Variants in RCSD1 observed in about 807,000 individuals in gnomAD.
RCSD1 encodes the protein RCSD domain containing 1, also known as capZ-interacting protein.
RCSD1 carries 26 observed loss-of-function variants against 42.5 expected under a neutral mutation model. That is an observed-to-expected ratio of 0.61 (90% CI 0.45 to 0.85). The LOEUF (loss-of-function observed/expected upper bound fraction) is 0.85. Ranked by LOEUF, RCSD1 falls within the 40% of genes least tolerant of loss-of-function variation. The pLI is 0.00. For missense variants in RCSD1, 571 were observed against 528.3 expected, an observed-to-expected ratio of 1.08 and a Z score of -0.79; for synonymous variants, 220 against 212.2, an observed-to-expected ratio of 1.04 and a Z score of -0.32.
chr1:167,679,156 A>G (rs74988376), intron 1 of RCSD1, among the ~76,000 whole-genome samples: 4,672 of 152,328 alleles, frequency 0.031, 243 homozygotes, highest in African/African-American at 0.11. Context: ...GAGTTAGTAC[A>G]GCATGTTGGT....
chr1:167,683,864 T>C (rs530323001), intron 1 of RCSD1, 36 bp from the exon 2 acceptor site: 1 of 1,593,560 alleles, frequency 6.3e-7, no homozygotes, highest in African/African-American at 1.3e-5. Context: ...TGGTACCCAT[T>C]TGCTGATTAA....
rs1356398618 is a variant in RCSD1, at chr1:167,705,115, A to G, written c.*419A>G. ...TTAGCTGATCAGATTTTGCTTGGGT[A>G]AAGTTCCTTTTTAATGTTCTAAAGT... On this transcript the variant is annotated 3_prime_UTR_variant, in exon 7 of 7. Coordinates refer to ENST00000367854, the MANE Select transcript of RCSD1 (RefSeq NM_052862.4). The G allele has an allele frequency of 6.2e-6, 1 of 161,164 alleles. No homozygotes were observed. Among genetic ancestry groups the G allele is most frequent in the African/African-American group, 2.4e-5 (1 of 41,654 alleles). The allele number at this position is 161,164 out of a possible 1,614,324, so 10.0% of individuals were successfully genotyped here.
At chr1:167,687,903 T>C (rs1659275008) in intron 3 of RCSD1, among the ~76,000 whole-genome samples, 2 of 152,268 alleles carry the variant, frequency 1.3e-5, no homozygotes, top group African/African-American at 4.8e-5. Flanking sequence ...CCACAGATCC[T>C]GCCTCCTATA....
chr1:167,685,530 C>T lies in RCSD1; in HGVS notation c.198+20C>T, dbSNP rs1558089423. The T allele has an allele frequency of 1.3e-6, 2 of 1,598,258 alleles. No individual in the cohort carries two copies. The highest frequency in any genetic ancestry group is 1.3e-5 in the African/African-American group (1 of 74,440). On this transcript the variant is annotated intron_variant, in intron 3 of 6. Transcript: ENST00000367854. The stretch of plus-strand genomic sequence containing the variant: ...GAGGAGGTAAGTGCTGCTGTTGGGG[C>T]TCAGAGGATGCTGTGATGGGTTTTC...
rs778863209 is a variant in RCSD1 at position 167,697,713 on chromosome 1, G to T, written c.1089G>T (p.Lys363Asn). 1.3e-6 allele frequency: 2 copies of T among 1,594,550 alleles called. No individual in the cohort carries two copies. The highest frequency in any genetic ancestry group is 1.7e-6 in the Non-Finnish European group (2 of 1,171,686). The stretch of plus-strand genomic sequence containing the variant: ...GAGTGAAGGGCGGAGATGTCCCCAA[G>T]CAGGAAAAAGGCAAGGAAAAACAAC... ...PGGVKGGDVP[K>N]QEKGKEKQQE... Residue 363 changes from lysine (K) to asparagine (N), a missense_variant, in exon 6 of 7, where the codon AAG (lysine) becomes AAT (asparagine). By Grantham distance (94) the Lys-to-Asn change is moderately conservative. Coordinates refer to ENST00000367854, the MANE Select transcript of RCSD1 (RefSeq NM_052862.4).
At chr1:167,662,723 AG>A (rs1658566870) in intron 1 of RCSD1, among the ~76,000 whole-genome samples, 1 of 152,216 alleles carries the variant, frequency 6.6e-6, no homozygotes, top group East Asian at 1.9e-4. Flanking sequence ...AAATCTTCTT[AG>A]GAAGGAAGAG....
At chr1:167,685,614 A>C in intron 3 of RCSD1, 104 bp downstream of exon 3, 10 of 858,602 alleles carry the variant, frequency 1.2e-5, no homozygotes, top group African/African-American at 1.7e-5. Flanking sequence ...TTTAAAGCTC[A>C]GACTCTGTGC....
chr1:167,677,872 G>A (rs1190991309), intron 1 of RCSD1, among the ~76,000 whole-genome samples: 4 of 152,126 alleles, frequency 2.6e-5, no homozygotes, highest in Non-Finnish European at 5.9e-5. Flanking sequence ...TTTTCTAGTG[G>A]GAAAAATTAT....
chr1:167,646,558 C>T (rs1376741337), intron 1 of RCSD1, among the ~76,000 whole-genome samples: 1 of 149,930 alleles, frequency 6.7e-6, no homozygotes, highest in Non-Finnish European at 1.5e-5. Context: ...TTCCGGGATA[C>T]ATGCGTGCAG....
Position 167,705,915 on chromosome 1 carries a change from G to A in RCSD1, c.*1219G>A, listed in dbSNP as rs536976529. 5.3e-5 allele frequency: 8 copies of A among 152,180 alleles called. No homozygotes were observed. In the East Asian group the frequency reaches 1.3e-3, roughly 26 times the overall value. 9.4% of individuals were successfully genotyped at this position (152,180 alleles called of 1,614,324 possible). On this transcript the variant is annotated 3_prime_UTR_variant, in exon 7 of 7. Transcript: ENST00000367854. The stretch of plus-strand genomic sequence containing the variant: ...CAAATACACATTTAAACTTAGGGTC[G>A]GTCCTTATTCTGATTTGAGTATTTT...
intron 5 of RCSD1, among the ~76,000 whole-genome samples, chr1:167,695,376 C>T (rs2101719523): frequency 6.6e-6 from 1 of 152,348 alleles, no homozygotes; most frequent in South Asian, 2.1e-4. Flanking sequence ...GGCCTTGATA[C>T]CTTCCAGAGC....
At chr1:167,659,950 G>A (rs368326044) in intron 1 of RCSD1, among the ~76,000 whole-genome samples, 2 of 152,152 alleles carry the variant, frequency 1.3e-5, no homozygotes, top group South Asian at 2.1e-4. Context: ...CCAAAAGGAT[G>A]TCTGCATCAC....
At chr1:167,657,780 AT>A (rs199673901) in intron 1 of RCSD1, among the ~76,000 whole-genome samples, 2 of 151,592 alleles carry the variant, frequency 1.3e-5, no homozygotes, top group East Asian at 1.9e-4. Flanking sequence ...CAGCATTAAA[AT>A]TTTTTTTCTT....
At chr1:167,660,798 AC>A (rs1658525176) in intron 1 of RCSD1, among the ~76,000 whole-genome samples, 1 of 152,054 alleles carries the variant, frequency 6.6e-6, no homozygotes, top group Non-Finnish European at 1.5e-5. Context: ...CATTTGATAT[AC>A]CCTGGTTTCA....
intron 1 of RCSD1, among the ~76,000 whole-genome samples, chr1:167,657,875 G>A (rs1420789567): frequency 1.3e-5 from 2 of 151,380 alleles, no homozygotes; most frequent in East Asian, 1.9e-4. Context: ...TACAAAATCA[G>A]TTCTAGTTTA....
Position 167,694,271 on chromosome 1 carries a change from C to T in RCSD1, c.443C>T (p.Pro148Leu). Residue 148 changes from proline (P) to leucine (L), a missense_variant, in exon 5 of 7, where the codon CCT (proline) becomes CTT (leucine). Pro to Leu is a moderately conservative substitution (Grantham distance 98). Coordinates refer to ENST00000367854, the MANE Select transcript of RCSD1 (RefSeq NM_052862.4). ...EEVPVSFDQP[P>L]EGSHLPCYNK... ...GTGCCTGTCAGCTTCGACCAGCCCC[C>T]TGAAGGCAGTCATCTGCCCTGTTAC... 4 of 1,614,178 alleles carry T rather than the reference C, an allele frequency of 2.5e-6. No individual in the cohort carries two copies. The highest frequency in any genetic ancestry group is 3.4e-6 in the Non-Finnish European group (4 of 1,180,028).
At chr1:167,695,881 C>T (rs1289130254) in intron 5 of RCSD1, among the ~76,000 whole-genome samples, 1 of 152,132 alleles carries the variant, frequency 6.6e-6, no homozygotes, top group Non-Finnish European at 1.5e-5. Flanking sequence ...CTGATGTGAA[C>T]ATTTCCATTG....
At chr1:167,652,044 TAG>T (rs1658325111) in intron 1 of RCSD1, among the ~76,000 whole-genome samples, 1 of 120,752 alleles carries the variant, frequency 8.3e-6, no homozygotes, top group Admixed American at 8.8e-5. Flanking sequence ...TTTTTTGAGA[TAG>T]AGTCTTGCTC....
intron 1 of RCSD1, among the ~76,000 whole-genome samples, chr1:167,655,351 G>A (rs995448654): frequency 5.9e-5 from 9 of 152,092 alleles, no homozygotes; most frequent in African/African-American, 2.2e-4. Context: ...TCCCTGTGAA[G>A]AAAAGAGACC....
Sources: gnomAD v4.1 joint callset for allele counts (sites outside exome capture counted in the v4.1 genomes callset) on GRCh38, gnomAD v4.1.1 for gene constraint, MANE v1.5 for transcripts, NCBI Gene and HGNC (gene_info 2026-07-23, HGNC 2026-07-21) for gene names.